STAM2: variants seen among roughly 807,000 people sequenced by gnomAD.
The protein encoded by STAM2 is signal transducing adapter molecule 2.
Under a neutral mutation model 65.6 loss-of-function variants are expected in STAM2, and 51 were observed. The ratio of observed to expected loss-of-function variants is 0.78; its 90% CI spans 0.62 to 0.98. STAM2 has a LOEUF of 0.98. Among genes scored for constraint, STAM2 ranks in the 50% least tolerant of loss-of-function variants. STAM2 has a pLI of 0.00. For missense variants in STAM2, 584 were observed against 617.8 expected (o/e 0.95, Z 0.58); for synonymous variants, 198 against 208.4 (o/e 0.95, Z 0.43).
At position 152,129,862 on chromosome 2, in the gene STAM2, T is replaced by C. The variant is rs16830736; in HGVS notation, c.1025+2252A>G. ...AAAATATGGCAAAACTACTGTTAAT[T>C]GCCACACAGATTTTTCATTTCTTTA... On this transcript the variant is annotated intron_variant, in intron 11 of 13. Coordinates refer to ENST00000263904, the MANE Select transcript of STAM2 (RefSeq NM_005843.6). Among the ~76,000 whole-genome samples the C allele has an allele frequency of 6.5e-3, 983 of 152,332 alleles. 12 individuals carry two copies. Among genetic ancestry groups the C allele is most frequent in the African/African-American group, 0.022 (931 of 41,560 alleles).
chr2:152,146,271 C>CAAAAAAAA (rs201803866), intron 5 of STAM2, among the ~76,000 whole-genome samples: 1 of 97,186 alleles, frequency 1.0e-5, no homozygotes, highest in Non-Finnish European at 2.0e-5. Context: ...AACTCCATCT[C>CAAAAAAAA]AAAAAAAAAA....
chr2:152,171,744 G>A (rs984800358), intron 1 of STAM2, among the ~76,000 whole-genome samples: 3 of 152,218 alleles, frequency 2.0e-5, no homozygotes, highest in African/African-American at 7.2e-5. Context: ...GAGTTTTGTA[G>A]AGGTAGAATT....
intron 7 of STAM2, among the ~76,000 whole-genome samples, chr2:152,143,105 T>C (rs1560215887): frequency 6.6e-6 from 1 of 152,248 alleles, no homozygotes; most frequent in Admixed American, 6.5e-5. Flanking sequence ...CCTCATTTGT[T>C]ATTAAATAGT....
chr2:152,130,551 GCTC>G (rs1489662063), intron 11 of STAM2, among the ~76,000 whole-genome samples: 1 of 151,320 alleles, frequency 6.6e-6, no homozygotes, highest in Non-Finnish European at 1.5e-5. Flanking sequence ...GCGCCTGGCC[GCTC>G]CTATTTTTAA....
chr2:152,160,870 A>T (rs1317418867), intron 1 of STAM2, among the ~76,000 whole-genome samples: 1 of 129,568 alleles, frequency 7.7e-6, no homozygotes, highest in Non-Finnish European at 1.6e-5. Flanking sequence ...TCCGGGAGGG[A>T]GGTGGGGGGG....
At chr2:152,150,513 A>G (rs1308193958) in intron 1 of STAM2, among the ~76,000 whole-genome samples, 1 of 152,258 alleles carries the variant, frequency 6.6e-6, no homozygotes, top group African/African-American at 2.4e-5. Flanking sequence ...TTAAAGATGT[A>G]TAATCCAGGC....
At chr2:152,159,259 T>A (rs1689614550) in intron 1 of STAM2, among the ~76,000 whole-genome samples, 1 of 150,384 alleles carries the variant, frequency 6.6e-6, no homozygotes, top group South Asian at 2.1e-4. Context: ...TAAGCTATGA[T>A]CAAGCCACTA....
rs1370089490 is a variant in STAM2 at position 152,120,735 on chromosome 2, C to T, written c.1417G>A (p.Gly473Ser). Residue 473 changes from glycine (G) to serine (S), a missense_variant, in exon 14 of 14, where the codon GGT (glycine) becomes AGT (serine). By Grantham distance (56) the Gly-to-Ser change is moderately conservative. Coordinates refer to ENST00000263904, the MANE Select transcript of STAM2 (RefSeq NM_005843.6). Reference sequence around the variant, plus strand: ...ATTTGCTGTGTGTAAGCAGTTGTACCAGTAGCTGACTGTAGGTTAGAGTTC... The same window carrying T: ...ATTTGCTGTGTGTAAGCAGTTGTACTAGTAGCTGACTGTAGGTTAGAGTTC... ...NQNSNLQSAT[G>S]TTAYTQQMGM... is the part of the protein sequence containing the mutation. 2 of 1,613,976 alleles carry T rather than the reference C, an allele frequency of 1.2e-6. No homozygotes were observed. The highest frequency in any genetic ancestry group is 1.3e-5 in the African/African-American group (1 of 74,876).
chr2:152,168,256 G>T (rs1360640651), intron 1 of STAM2, among the ~76,000 whole-genome samples: 4 of 152,074 alleles, frequency 2.6e-5, no homozygotes, highest in African/African-American at 9.7e-5. Flanking sequence ...TGCCTCCCGG[G>T]TTCAAGTGAT....
chr2:152,147,479 T>G (rs1297383759), intron 4 of STAM2, among the ~76,000 whole-genome samples, 171 bp from the exon 5 acceptor site: 2 of 152,218 alleles, frequency 1.3e-5, no homozygotes, highest in African/African-American at 4.8e-5. Context: ...ATTTACATGT[T>G]GTGATATAGT....
rs368898562 is a variant in STAM2, at chr2:152,175,679, C to G, written c.-37G>C. On this transcript the variant is annotated 5_prime_UTR_variant, in exon 1 of 14. Transcript: ENST00000263904. ...CCGAGCCCTAGTCGCTGCTGTCTAG[C>G]TGACACTCAGCAACTGCTACCCGCC... 6.3e-7 allele frequency: 1 copy of G among 1,596,154 alleles called. No individual in the cohort carries two copies. The highest frequency in any genetic ancestry group is 1.3e-5 in the African/African-American group (1 of 74,464).
intron 1 of STAM2, among the ~76,000 whole-genome samples, chr2:152,170,174 C>T (rs976461979): frequency 2.6e-5 from 4 of 151,634 alleles, no homozygotes; most frequent in African/African-American, 4.8e-5. Flanking sequence ...CCCTTCAAGA[C>T]GACAACCTTT....
At chr2:152,167,360 C>T (rs541691607) in intron 1 of STAM2, among the ~76,000 whole-genome samples, 3 of 152,196 alleles carry the variant, frequency 2.0e-5, no homozygotes, top group Admixed American at 6.5e-5. Context: ...AAGAAAATAA[C>T]GCTAAAGGAA....
rs2105577538 is a variant in STAM2 at position 152,175,749 on chromosome 2, T to C, written c.-107A>G. On this transcript the variant is annotated 5_prime_UTR_variant, in exon 1 of 14. Coordinates refer to ENST00000263904, the MANE Select transcript of STAM2 (RefSeq NM_005843.6). The stretch of plus-strand genomic sequence containing the variant: ...CTCCCTAGACCGCTCCGCTTCGGCC[T>C]CCGTCCCTGCACTTCCGCCACCGCA... 2.4e-6 allele frequency: 3 copies of C among 1,250,780 alleles called. No individual in the cohort carries two copies. The highest frequency in any genetic ancestry group is 1.5e-5 in the African/African-American group (1 of 67,480). 77.5% of individuals were successfully genotyped at this position (1,250,780 alleles called of 1,614,324 possible). A position where few individuals can be genotyped will look rare whatever the true frequency, so the allele number is the denominator to read the frequency against.
In STAM2 at chr2:152,117,923, C is replaced by T. The variant is rs1688778118; in HGVS notation, c.*2651G>A. ...TTCAAATCCTAACAAATATAATTACCTAATGTTTAAGTAATTTTATAAATA... is the reference window on the plus strand; with the variant it reads ...TTCAAATCCTAACAAATATAATTACTTAATGTTTAAGTAATTTTATAAATA... On this transcript the variant is annotated 3_prime_UTR_variant, in exon 14 of 14. Transcript: ENST00000263904. The T allele has an allele frequency of 6.6e-6, 1 of 151,954 alleles. No individual in the cohort carries two copies. The highest frequency in any genetic ancestry group is 2.4e-5 in the African/African-American group (1 of 41,384). The allele number at this position is 151,954 out of a possible 1,614,324, so 9.4% of individuals were successfully genotyped here. A position where few individuals can be genotyped will look rare whatever the true frequency, so the allele number is the denominator to read the frequency against.
At chr2:152,152,049 T>G (rs1263203679) in intron 1 of STAM2, among the ~76,000 whole-genome samples, 1 of 151,986 alleles carries the variant, frequency 6.6e-6, no homozygotes, top group Admixed American at 6.5e-5. Flanking sequence ...CACGTGATCC[T>G]CCCACCTCAG....
In STAM2 at chr2:152,144,893, G is replaced by C; in HGVS notation, c.512C>G (p.Ala171Gly). ...ACATGTGCTTGATCATTTACCTTTA[G>C]CTATGTCTTCATCCTCTTTGTTTTT... is the stretch of plus-strand genomic sequence containing the variant. Reference protein sequence around the residue: ...SNKNKEDEDIAKAIELSLQEQ... With the variant: ...SNKNKEDEDIGKAIELSLQEQ... Residue 171 changes from alanine to glycine, a missense_variant, in exon 6 of 14, where the codon GCT becomes GGT. Ala to Gly is a moderately conservative substitution (Grantham distance 60, BLOSUM62 0). Coordinates refer to ENST00000263904, the MANE Select transcript of STAM2 (RefSeq NM_005843.6). The C allele has an allele frequency of 6.2e-7, 1 of 1,613,228 alleles. No individual in the cohort carries two copies. The highest frequency in any genetic ancestry group is 8.5e-7 in the Non-Finnish European group (1 of 1,179,266).
Position 152,120,811 on chromosome 2 carries a change from A to C in STAM2, c.1350-9T>G. On this transcript the variant is annotated splice_polypyrimidine_tract_variant and intron_variant, in intron 13 of 13. Transcript: ENST00000263904. Reference sequence around the variant, plus strand: ...CAGTGTCTTGTCCAGTGCTACAAACAAAATTTTAAAAAGAAAACCATATTT... The same window carrying C: ...CAGTGTCTTGTCCAGTGCTACAAACCAAATTTTAAAAAGAAAACCATATTT... 1 of 1,604,884 alleles carries C rather than the reference A, an allele frequency of 6.2e-7. No homozygotes were observed. The highest frequency in any genetic ancestry group is 1.1e-5 in the South Asian group (1 of 90,858).
Position 152,126,251 on chromosome 2 carries a change from G to T in STAM2, c.1154C>A (p.Pro385His), listed in dbSNP as rs1390454190. 6.2e-7 allele frequency: 1 copy of T among 1,601,348 alleles called. No homozygotes were observed. The highest frequency in any genetic ancestry group is 1.7e-5 in the Admixed American group (1 of 58,204). Reference sequence around the variant, plus strand: ...CTGCATTGGAACCCCAGATGATGCAGGTGGGTAATGTGCTGGAGGGTGGAG... The same window carrying T: ...CTGCATTGGAACCCCAGATGATGCATGTGGGTAATGTGCTGGAGGGTGGAG... ...SKLHPPAHYPPASSGVPMQTY... is the reference protein window; with the variant it reads ...SKLHPPAHYPHASSGVPMQTY... Residue 385 changes from proline (P) to histidine (H), a missense_variant, in exon 12 of 14, where the codon CCT becomes CAT. Transcript: ENST00000263904.
Sources: allele counts gnomAD v4.1 joint callset (sites outside exome capture counted in the v4.1 genomes callset), GRCh38; gene constraint gnomAD v4.1.1; transcripts MANE v1.5; gene names NCBI Gene and HGNC (gene_info 2026-07-23, HGNC 2026-07-21).